Variants in NOS1AP observed in about 807,000 individuals in gnomAD.
The protein encoded by NOS1AP is nitric oxide synthase 1 adaptor protein.
In NOS1AP, 21 loss-of-function variants were observed where a neutral mutation model predicts 56.2. The observed-to-expected ratio is 0.37, with a 90% CI of 0.26 to 0.54. The LOEUF (loss-of-function observed/expected upper bound fraction) is 0.54. Among genes scored for constraint, NOS1AP ranks in the 20% least tolerant of loss-of-function variants. The probability of loss-of-function intolerance (pLI) is 0.84; values close to 1 mark genes in which losing one functional copy is unlikely to be tolerated. For missense variants in NOS1AP, 522 were observed against 657.8 expected, an observed-to-expected ratio of 0.79 and a Z score of 2.26; for synonymous variants, 270 against 274.6, an observed-to-expected ratio of 0.98 and a Z score of 0.17.
chr1:162,165,632 A>C (rs1571085498), intron 2 of NOS1AP, among the ~76,000 whole-genome samples: 1 of 152,166 alleles, frequency 6.6e-6, no homozygotes, highest in African/African-American at 2.4e-5. Flanking sequence ...GAACCAAGGC[A>C]AGACTCCAGT....
intron 1 of NOS1AP, among the ~76,000 whole-genome samples, chr1:162,092,524 T>C (rs1209896208): frequency 3.3e-5 from 5 of 152,222 alleles, no homozygotes; most frequent in Admixed American, 6.5e-5. Flanking sequence ...AGTTTATGAC[T>C]GACTTAATGA....
intron 1 of NOS1AP, among the ~76,000 whole-genome samples, chr1:162,121,082 ATTTTTTT>A (rs372854857): frequency 8.7e-5 from 9 of 103,068 alleles, no homozygotes; most frequent in South Asian, 6.7e-4. Flanking sequence ...GCACACTAGG[ATTTTTTT>A]TTTTTTTTTT....
chr1:162,187,351 T>C (rs1651475361), intron 2 of NOS1AP, among the ~76,000 whole-genome samples: 8 of 152,236 alleles, frequency 5.3e-5, no homozygotes. Flanking sequence ...CTTTACAACA[T>C]TGTTTTTAAT....
intron 1 of NOS1AP, 76 bp downstream of exon 1, chr1:162,070,358 C>A: frequency 1.6e-6 from 2 of 1,243,282 alleles, no homozygotes; most frequent in South Asian, 1.2e-5. Flanking sequence ...GATGCACAGC[C>A]GTCCTGGACC....
chr1:162,286,547 G>C (rs1308769665), intron 2 of NOS1AP, among the ~76,000 whole-genome samples: 1 of 152,194 alleles, frequency 6.6e-6, no homozygotes, highest in Admixed American at 6.5e-5. Flanking sequence ...AGCTACACAA[G>C]TGTTAAGAGA....
At chr1:162,090,181 A>G (rs1558093846) in intron 1 of NOS1AP, among the ~76,000 whole-genome samples, 1 of 150,940 alleles carries the variant, frequency 6.6e-6, no homozygotes, top group African/African-American at 2.4e-5. Flanking sequence ...ATAACATTTT[A>G]TCTATGCTCT....
At chr1:162,302,181 A>G (rs540094312) in intron 4 of NOS1AP, among the ~76,000 whole-genome samples, 1 of 152,278 alleles carries the variant, frequency 6.6e-6, no homozygotes, top group African/African-American at 2.4e-5. Flanking sequence ...ACAAATGTCA[A>G]TTTTTTGCCA....
intron 6 of NOS1AP, among the ~76,000 whole-genome samples, chr1:162,350,948 G>A (rs1000756027): frequency 2.0e-5 from 3 of 152,266 alleles, no homozygotes; most frequent in Non-Finnish European, 4.4e-5. Flanking sequence ...ACATGACACC[G>A]CAAGTGGAAA....
At chr1:162,335,864 A>G (rs1656925125) in intron 5 of NOS1AP, among the ~76,000 whole-genome samples, 1 of 152,126 alleles carries the variant, frequency 6.6e-6, no homozygotes, top group South Asian at 2.1e-4. Context: ...CTTGGTTGAG[A>G]ATATGGGTCA....
chr1:162,199,549 C>A (rs1304487355), intron 2 of NOS1AP, among the ~76,000 whole-genome samples: 1 of 151,720 alleles, frequency 6.6e-6, no homozygotes, highest in African/African-American at 2.4e-5. Context: ...GAGCCTGGAC[C>A]TCCTGAAAAT....
intron 1 of NOS1AP, among the ~76,000 whole-genome samples, chr1:162,152,934 T>C (rs1245282461): frequency 1.3e-5 from 2 of 152,096 alleles, no homozygotes; most frequent in East Asian, 3.9e-4. Flanking sequence ...GGGCTCTTAA[T>C]TTCTAGTATA....
At chr1:162,074,864 C>T (rs1268904586) in intron 1 of NOS1AP, among the ~76,000 whole-genome samples, 1 of 152,134 alleles carries the variant, frequency 6.6e-6, no homozygotes, top group African/African-American at 2.4e-5. Context: ...GCTTGGATTT[C>T]CTCACAGCAT....
chr1:162,349,795 T>G (rs1300659179), intron 6 of NOS1AP, among the ~76,000 whole-genome samples: 1 of 152,152 alleles, frequency 6.6e-6, no homozygotes. Flanking sequence ...CGGGTCCAAG[T>G]GAAATGATTA....
intron 1 of NOS1AP, among the ~76,000 whole-genome samples, chr1:162,072,785 G>A (rs538688005): frequency 2.6e-4 from 40 of 152,330 alleles, no homozygotes; most frequent in African/African-American, 9.1e-4. Flanking sequence ...TTCTCTGGCT[G>A]TTTTCCACAT....
At chr1:162,305,720 C>T (rs1655803660) in intron 4 of NOS1AP, among the ~76,000 whole-genome samples, 3 of 152,164 alleles carry the variant, frequency 2.0e-5, no homozygotes, top group African/African-American at 7.2e-5. Context: ...TTTACCCCCA[C>T]AATATGAAGT....
chr1:162,335,983 GGCTCCC>G (rs981029697), intron 5 of NOS1AP, among the ~76,000 whole-genome samples: 3 of 152,092 alleles, frequency 2.0e-5, no homozygotes, highest in African/African-American at 7.2e-5. Context: ...TAGCCAGTGT[GGCTCCC>G]ACCTTGGGAG....
intron 1 of NOS1AP, among the ~76,000 whole-genome samples, chr1:162,105,907 A>G (rs535344578): frequency 2.6e-5 from 4 of 152,318 alleles, no homozygotes; most frequent in African/African-American, 4.8e-5. Context: ...GTGCTGTGAA[A>G]GTGGGGCCCG....
chr1:162,182,623 T>TG (rs1315217356), intron 2 of NOS1AP, among the ~76,000 whole-genome samples: 2 of 152,256 alleles, frequency 1.3e-5, no homozygotes, highest in African/African-American at 4.8e-5. Flanking sequence ...TCTGCTGCAC[T>TG]GCTTTATCAA....
At chr1:162,213,555 G>A (rs1652443560) in intron 2 of NOS1AP, among the ~76,000 whole-genome samples, 1 of 152,184 alleles carries the variant, frequency 6.6e-6, no homozygotes, top group Non-Finnish European at 1.5e-5. Flanking sequence ...TGTTGAATTC[G>A]GTTGACATTC....
Sources: gnomAD v4.1 joint callset for allele counts (sites outside exome capture counted in the v4.1 genomes callset) on GRCh38, gnomAD v4.1.1 for gene constraint, MANE v1.5 for transcripts, NCBI Gene and HGNC (gene_info 2026-07-23, HGNC 2026-07-21) for gene names.